Variants in UBE3A observed in about 807,000 individuals in gnomAD.
The protein encoded by UBE3A is ubiquitin-protein ligase E3A.
A neutral mutation model predicts 83.4 loss-of-function variants in UBE3A; 6 were observed. The ratio of observed to expected loss-of-function variants is 0.07; its 90% confidence interval spans 0.04 to 0.14. UBE3A has a LOEUF of 0.14. Among genes scored for constraint, UBE3A ranks in the 10% least tolerant of loss-of-function variants. The pLI is 1.00. For missense variants in UBE3A, 456 were observed against 1,036.1 expected (o/e 0.44, Z 7.69); for synonymous variants, 337 against 355.4 (o/e 0.95, Z 0.58).
At chr15:25,356,518 C>T (rs1304307528) in intron 8 of UBE3A, among the ~76,000 whole-genome samples, 173 bp downstream of exon 8, 2 of 152,144 alleles carry the variant, frequency 1.3e-5, no homozygotes, top group Non-Finnish European at 2.9e-5. Flanking sequence ...AAATGTCCCC[C>T]TTTGAGTTTT....
At chr15:25,372,369 A>G (rs2080437875) in intron 5 of UBE3A, among the ~76,000 whole-genome samples, 2 of 152,222 alleles carry the variant, frequency 1.3e-5, no homozygotes, top group African/African-American at 4.8e-5. Flanking sequence ...TCTGTGAGTG[A>G]TTGAGAAGAA....
chr15:25,355,115 A>C (rs1211123253), intron 9 of UBE3A, among the ~76,000 whole-genome samples: 2 of 152,202 alleles, frequency 1.3e-5, no homozygotes, highest in African/African-American at 4.8e-5. Context: ...ATGTAAACAG[A>C]CACATTTAAA....
At chr15:25,391,200 C>A (rs922831846) in intron 4 of UBE3A, among the ~76,000 whole-genome samples, 1 of 152,106 alleles carries the variant, frequency 6.6e-6, no homozygotes, top group Admixed American at 6.5e-5. Flanking sequence ...TGCTACAACA[C>A]AAATGAACCT....
Position 25,335,513 on chromosome 15 carries a change from C to T in UBE3A, c.*3624G>A, listed in dbSNP as rs1163834236. ...GTCCGGGTGAGTCAGAGGATCAGGA[C>T]CTGTAAGGGCAGTATAAAGAAGGAA... is the stretch of plus-strand genomic sequence containing the variant. On this transcript the variant is annotated 3_prime_UTR_variant, in exon 13 of 13. Transcript: ENST00000648336. 1 of 151,804 alleles carries T rather than the reference C, an allele frequency of 6.6e-6. No homozygotes were observed. The highest frequency in any genetic ancestry group is 2.4e-5 in the African/African-American group (1 of 41,240). 9.4% of individuals were successfully genotyped at this position (151,804 alleles called of 1,614,324 possible). A position where few individuals can be genotyped will look rare whatever the true frequency, so the allele number is the denominator to read the frequency against.
chr15:25,343,058 G>C (rs1352826839), intron 11 of UBE3A, among the ~76,000 whole-genome samples: 1 of 152,070 alleles, frequency 6.6e-6, no homozygotes, highest in Non-Finnish European at 1.5e-5. Context: ...TCAGAAAGTG[G>C]TGATTCTGCC....
intron 4 of UBE3A, among the ~76,000 whole-genome samples, chr15:25,389,888 AACAGACAG>A (rs58701157): frequency 6.6e-6 from 1 of 151,776 alleles, no homozygotes; most frequent in East Asian, 2.0e-4. Context: ...GCTCTGTCTC[AACAGACAG>A]ACAGACAGAC....
At chr15:25,431,394 G>C (rs1567198216) in intron 1 of UBE3A, among the ~76,000 whole-genome samples, 3 of 152,132 alleles carry the variant, frequency 2.0e-5, no homozygotes, top group African/African-American at 7.2e-5. Flanking sequence ...CCAGGCTGGA[G>C]TGCAATGGTG....
At chr15:25,401,442 T>G (rs548814301) in intron 4 of UBE3A, among the ~76,000 whole-genome samples, 48 of 152,330 alleles carry the variant, frequency 3.2e-4, no homozygotes, top group Non-Finnish European at 5.4e-4. Flanking sequence ...TTGGGCTTCC[T>G]TTGGTGGGAG....
chr15:25,343,097 T>C (rs536519026), intron 11 of UBE3A, among the ~76,000 whole-genome samples: 1 of 152,234 alleles, frequency 6.6e-6, no homozygotes, highest in South Asian at 2.1e-4. Flanking sequence ...GAGGGATCCC[T>C]TCAACCAAGA....
At chr15:25,367,224 CATATTTGTAAATATGTAA>C (rs1566941238) in intron 6 of UBE3A, among the ~76,000 whole-genome samples, 13 of 81,320 alleles carry the variant, frequency 1.6e-4, no homozygotes, top group Admixed American at 7.6e-4. Flanking sequence ...TAAATATTTA[CATATTTGTAAATATGTAA>C]ATATTTGCAT....
intron 4 of UBE3A, among the ~76,000 whole-genome samples, chr15:25,403,890 T>TA (rs1410616749): frequency 6.6e-6 from 1 of 152,112 alleles, no homozygotes; most frequent in Non-Finnish European, 1.5e-5. Context: ...AGGGGGTACT[T>TA]AGAGCAGTCA....
intron 4 of UBE3A, among the ~76,000 whole-genome samples, chr15:25,392,312 G>A (rs986570644): frequency 6.6e-6 from 1 of 152,102 alleles, no homozygotes; most frequent in African/African-American, 2.4e-5. Context: ...TGACTTTTGG[G>A]TCTAGGACAC....
chr15:25,369,174 T>C (rs1017594198), intron 6 of UBE3A, among the ~76,000 whole-genome samples: 1 of 152,038 alleles, frequency 6.6e-6, no homozygotes, highest in Non-Finnish European at 1.5e-5. Context: ...AGTCATTAAG[T>C]GTATTAATTA....
chr15:25,367,286 T>A (rs935568098), intron 6 of UBE3A, among the ~76,000 whole-genome samples: 2 of 130,866 alleles, frequency 1.5e-5, no homozygotes, highest in African/African-American at 2.7e-5. Context: ...CATATTTAAA[T>A]TAAATTAATT....
intron 6 of UBE3A, among the ~76,000 whole-genome samples, chr15:25,368,926 T>C (rs1423573115): frequency 1.3e-5 from 2 of 152,106 alleles, no homozygotes; most frequent in East Asian, 3.9e-4. Flanking sequence ...ATTCTTACAG[T>C]GTAATTTCAT....
intron 4 of UBE3A, among the ~76,000 whole-genome samples, chr15:25,403,591 CA>C (rs2087710961): frequency 1.3e-5 from 2 of 151,996 alleles, no homozygotes; most frequent in South Asian, 4.2e-4. Context: ...CCATATGATC[CA>C]ACAATTCCAC....
intron 11 of UBE3A, among the ~76,000 whole-genome samples, chr15:25,343,473 T>G (rs1177100800): frequency 6.6e-6 from 1 of 152,068 alleles, no homozygotes; most frequent in African/African-American, 2.4e-5. Context: ...AAGGTAACTT[T>G]GGAAATAAAG....
intron 4 of UBE3A, chr15:25,393,680 G>GA (rs915461959): frequency 1.3e-4 from 20 of 152,316 alleles, no homozygotes; most frequent in African/African-American, 4.3e-4. Flanking sequence ...ACTTTGAGAA[G>GA]ATTCAGCCAG....
chr15:25,409,265 G>A (rs1232190850), intron 2 of UBE3A, 58 bp from the exon 3 acceptor site: 1 of 518,700 alleles, frequency 1.9e-6, no homozygotes, highest in Non-Finnish European at 3.4e-6. Context: ...CCAATTCATT[G>A]TTCAAAAAAT....
Sources: gnomAD v4.1 joint callset for allele counts (sites outside exome capture counted in the v4.1 genomes callset) on GRCh38, gnomAD v4.1.1 for gene constraint, MANE v1.5 for transcripts, NCBI Gene and HGNC (gene_info 2026-07-23, HGNC 2026-07-21) for gene names.